Variants in ARHGAP26 observed in about 807,000 individuals in gnomAD.
ARHGAP26 encodes the protein rho GTPase-activating protein 26.
Under a neutral mutation model 104.8 loss-of-function variants are expected in ARHGAP26, and 38 were observed. The ratio of observed to expected loss-of-function variants is 0.36; its 90% CI spans 0.28 to 0.48. The LOEUF (loss-of-function observed/expected upper bound fraction) is 0.48. ARHGAP26 is among the 20% of genes least tolerant of loss of function. The pLI is 0.99. For synonymous variants in ARHGAP26, 341 were observed against 340.0 expected (o/e 1.00, Z -0.03); for missense variants, 704 against 947.9 (o/e 0.74, Z 3.38).
intron 17 of ARHGAP26, among the ~76,000 whole-genome samples, chr5:143,092,316 A>G (rs1404031515): frequency 6.6e-6 from 1 of 152,032 alleles, no homozygotes; most frequent in Non-Finnish European, 1.5e-5. Flanking sequence ...GGCACCCGCT[A>G]CCATGCCTGG....
At chr5:143,159,307 A>C (rs1464939358) in intron 20 of ARHGAP26, among the ~76,000 whole-genome samples, 1 of 152,244 alleles carries the variant, frequency 6.6e-6, no homozygotes, top group Non-Finnish European at 1.5e-5. Context: ...GATCCCAGAG[A>C]AGAGATCAGG....
At chr5:143,153,293 C>G (rs1288730550) in intron 20 of ARHGAP26, among the ~76,000 whole-genome samples, 1 of 152,132 alleles carries the variant, frequency 6.6e-6, no homozygotes, top group Non-Finnish European at 1.5e-5. Context: ...ATCGACATTG[C>G]CTGGCTGATG....
intron 11 of ARHGAP26, among the ~76,000 whole-genome samples, chr5:143,012,577 T>A (rs7711483): frequency 0.017 from 323 of 18,912 alleles, 6 homozygotes; most frequent in African/African-American, 0.033. Context: ...ATATATATAT[T>A]ATGATCAGGT....
At chr5:142,960,336 C>T (rs906855482) in intron 11 of ARHGAP26, among the ~76,000 whole-genome samples, 1 of 152,258 alleles carries the variant, frequency 6.6e-6, no homozygotes, top group Non-Finnish European at 1.5e-5. Context: ...GATGGATTCA[C>T]TTTCCATAGT....
intron 21 of ARHGAP26, 197 bp downstream of exon 21, chr5:143,207,505 C>T (rs372733642): frequency 1.4e-5 from 22 of 1,609,462 alleles, no homozygotes; most frequent in South Asian, 9.9e-5. Flanking sequence ...AATCTGTTCC[C>T]GTTTATCCAA....
chr5:142,993,277 C>G (rs1408822705), intron 11 of ARHGAP26, among the ~76,000 whole-genome samples: 1 of 150,222 alleles, frequency 6.7e-6, no homozygotes, highest in African/African-American at 2.5e-5. Context: ...TCACGCCATT[C>G]TCCTGCCTCA....
At chr5:143,047,266 A>G (rs1398874017) in intron 14 of ARHGAP26, among the ~76,000 whole-genome samples, 1 of 152,210 alleles carries the variant, frequency 6.6e-6, no homozygotes, top group Non-Finnish European at 1.5e-5. Context: ...TTGAGATTAG[A>G]CAAGTTACAG....
At chr5:143,210,701 C>G (rs1809324960) in intron 21 of ARHGAP26, among the ~76,000 whole-genome samples, 1 of 152,214 alleles carries the variant, frequency 6.6e-6, no homozygotes, top group South Asian at 2.1e-4. Flanking sequence ...TCTAGCTGGT[C>G]CCACCTCCCT....
intron 1 of ARHGAP26, among the ~76,000 whole-genome samples, chr5:142,789,252 GATAGTA>G (rs1282227602): frequency 1.3e-5 from 2 of 152,204 alleles, no homozygotes; most frequent in African/African-American, 2.4e-5. Context: ...CCTTTTGTGA[GATAGTA>G]ATAGTATAGA....
chr5:143,136,419 G>A (rs758395875), intron 19 of ARHGAP26, among the ~76,000 whole-genome samples: 16 of 152,094 alleles, frequency 1.1e-4, no homozygotes, highest in African/African-American at 3.6e-4. Flanking sequence ...AAACATGACC[G>A]GAGCATACAG....
chr5:142,836,115 G>A (rs1367877491), intron 1 of ARHGAP26, among the ~76,000 whole-genome samples: 2 of 152,174 alleles, frequency 1.3e-5, no homozygotes, highest in Non-Finnish European at 2.9e-5. Flanking sequence ...GAGAGCAAAA[G>A]TAAGATATCA....
chr5:142,941,892 T>G (rs1037432225), intron 11 of ARHGAP26, among the ~76,000 whole-genome samples: 1 of 152,244 alleles, frequency 6.6e-6, no homozygotes, highest in African/African-American at 2.4e-5. Flanking sequence ...TGGCACTTAC[T>G]CAGGTCTTAG....
chr5:142,816,288 A>T (rs1252632437), intron 1 of ARHGAP26, among the ~76,000 whole-genome samples: 1 of 152,242 alleles, frequency 6.6e-6, no homozygotes, highest in Non-Finnish European at 1.5e-5. Context: ...TTGGTGCATG[A>T]TCGACACTGG....
chr5:142,939,640 T>A (rs569953448), intron 11 of ARHGAP26, among the ~76,000 whole-genome samples: 1 of 152,304 alleles, frequency 6.6e-6, no homozygotes, highest in South Asian at 2.1e-4. Context: ...TAAGATGAGC[T>A]CTCAGGATTA....
intron 1 of ARHGAP26, among the ~76,000 whole-genome samples, chr5:142,845,809 A>G (rs1771825027): frequency 6.6e-6 from 1 of 152,044 alleles, no homozygotes; most frequent in African/African-American, 2.4e-5. Flanking sequence ...TTCTTGATAG[A>G]CTAAGCTCTG....
At chr5:143,176,726 G>A (rs1803525745) in intron 20 of ARHGAP26, among the ~76,000 whole-genome samples, 2 of 152,168 alleles carry the variant, frequency 1.3e-5, no homozygotes, top group African/African-American at 4.8e-5. Flanking sequence ...GTAAACCTAA[G>A]TAGCAGACCA....
At chr5:143,133,061 A>G (rs776670869) in intron 18 of ARHGAP26, among the ~76,000 whole-genome samples, 7 of 152,210 alleles carry the variant, frequency 4.6e-5, no homozygotes, top group Admixed American at 6.5e-5. Flanking sequence ...AGTGGTGGCT[A>G]CTATAATCAT....
At chr5:142,960,777 T>A (rs1770099561) in intron 11 of ARHGAP26, among the ~76,000 whole-genome samples, 1 of 152,240 alleles carries the variant, frequency 6.6e-6, no homozygotes, top group Non-Finnish European at 1.5e-5. Context: ...TCTGGTGTGA[T>A]CAGAAAGGCA....
chr5:142,899,269 G>T (rs940443764), intron 6 of ARHGAP26, among the ~76,000 whole-genome samples: 1 of 152,156 alleles, frequency 6.6e-6, no homozygotes, highest in Non-Finnish European at 1.5e-5. Context: ...TCTTTTTTTG[G>T]GGGACACAAT....
Sources: allele counts gnomAD v4.1 joint callset (sites outside exome capture counted in the v4.1 genomes callset), GRCh38; gene constraint gnomAD v4.1.1; transcripts MANE v1.5; gene names NCBI Gene and HGNC (gene_info 2026-07-23, HGNC 2026-07-21).